The following GABRB1 variants were observed in gnomAD, a reference collection of about 807,000 sequenced individuals.
GABRB1 encodes the protein gamma-aminobutyric acid type A receptor subunit beta1.
Under a neutral mutation model 51.6 loss-of-function variants are expected in GABRB1, and 17 were observed. That is an observed-to-expected ratio of 0.33 (90% CI 0.23 to 0.49). The LOEUF (loss-of-function observed/expected upper bound fraction) is 0.49, where lower values mean the gene tolerates loss of function less well. Ranked by LOEUF, GABRB1 falls within the 20% of genes least tolerant of loss-of-function variation. The pLI is 0.99. For synonymous variants in GABRB1, 247 were observed against 218.9 expected (o/e 1.13, Z -1.14); for missense variants, 410 against 600.6 (o/e 0.68, Z 3.32).
At chr4:47,027,321 G>C (rs1725131054), upstream of GABRB1, among the ~76,000 whole-genome samples, 1 of 151,318 alleles carries the variant, frequency 6.6e-6, no homozygotes, top group Non-Finnish European at 1.5e-5. Flanking sequence ...AGAAAAAATT[G>C]CAATATGAAT....
intron 3 of GABRB1, among the ~76,000 whole-genome samples, chr4:47,123,310 TATA>T (rs1443140347): frequency 7.5e-6 from 1 of 133,720 alleles, no homozygotes; most frequent in Non-Finnish European, 1.6e-5. Context: ...ATATGTATTA[TATA>T]ATATTATATA....
chr4:47,385,222 CAAT>C (rs1024459660), intron 5 of GABRB1, among the ~76,000 whole-genome samples: 6 of 152,126 alleles, frequency 3.9e-5, no homozygotes, highest in East Asian at 1.9e-4. Context: ...TCCATGATAA[CAAT>C]AATAAGTCAA....
chr4:47,015,116 C>G (rs995522513), intron 1 of GABRB1, among the ~76,000 whole-genome samples: 1 of 152,150 alleles, frequency 6.6e-6, no homozygotes, highest in Non-Finnish European at 1.5e-5. Flanking sequence ...CCATGTTGGC[C>G]AGGCTGGTCT....
At chr4:47,381,864 C>A (rs2110030108) in intron 5 of GABRB1, among the ~76,000 whole-genome samples, 1 of 152,300 alleles carries the variant, frequency 6.6e-6, no homozygotes, top group African/African-American at 2.4e-5. Flanking sequence ...TTCTATCTTA[C>A]TTTCTCGCCA....
intron 4 of GABRB1, among the ~76,000 whole-genome samples, chr4:47,298,442 T>G (rs574957414): frequency 0.011 from 1,691 of 152,084 alleles, 34 homozygotes; most frequent in African/African-American, 0.039. Flanking sequence ...TATACACCAA[T>G]AACAGACAAA....
At chr4:47,060,114 C>T (rs960096835) in intron 3 of GABRB1, among the ~76,000 whole-genome samples, 7 of 152,136 alleles carry the variant, frequency 4.6e-5, no homozygotes, top group Non-Finnish European at 1.0e-4. Flanking sequence ...AAATGGATGA[C>T]AAAGTGTTCC....
In GABRB1 at chr4:47,003,011, G is replaced by A. The variant is rs143916495; in HGVS notation, c.-20+9085G>A. Among the ~76,000 whole-genome samples, 958 of 152,270 alleles carry A rather than the reference G, an allele frequency of 6.3e-3. 8 individuals are homozygous for A. Among genetic ancestry groups the A allele is most frequent in the Middle Eastern group, 0.014 (4 of 294 alleles). On this transcript the variant is annotated intron_variant, in intron 1 of 3. Coordinates refer to the GABRB1 transcript ENST00000513567. The stretch of plus-strand genomic sequence containing the variant: ...TTATTTATTGGAAACAGTTTAGAGT[G>A]AGCAAAAGTTGAATGTTTGATTTAT...
At chr4:47,182,482 CT>C (rs1718993288) in intron 4 of GABRB1, among the ~76,000 whole-genome samples, 1 of 151,920 alleles carries the variant, frequency 6.6e-6, no homozygotes, top group Non-Finnish European at 1.5e-5. Flanking sequence ...AGAGATTTTG[CT>C]TTTTATGTGC....
At chr4:47,132,408 TTTGG>T (rs1716460469) in intron 3 of GABRB1, among the ~76,000 whole-genome samples, 2 of 144,542 alleles carry the variant, frequency 1.4e-5, no homozygotes, top group South Asian at 2.1e-4. Context: ...TTTGGTTTGG[TTTGG>T]TTTGGTTTGG....
chr4:47,172,483 T>C (rs879435800), intron 4 of GABRB1, among the ~76,000 whole-genome samples: 14 of 152,094 alleles, frequency 9.2e-5, no homozygotes, highest in Non-Finnish European at 1.8e-4. Context: ...TTGTTTTCCT[T>C]ACCCCTGCTT....
chr4:47,346,284 G>T (rs1234888452), intron 5 of GABRB1, among the ~76,000 whole-genome samples: 1 of 152,068 alleles, frequency 6.6e-6, no homozygotes, highest in Non-Finnish European at 1.5e-5. Context: ...ATGAAAAATA[G>T]AAAACTCTAC....
chr4:47,366,751 A>G (rs1002409880), intron 5 of GABRB1, among the ~76,000 whole-genome samples: 1 of 152,108 alleles, frequency 6.6e-6, no homozygotes, highest in Non-Finnish European at 1.5e-5. Flanking sequence ...GACATTCGTA[A>G]TTTTCCTCCA....
chr4:47,370,290 C>T (rs977354280), intron 5 of GABRB1, among the ~76,000 whole-genome samples: 2 of 152,072 alleles, frequency 1.3e-5, no homozygotes, highest in African/African-American at 4.8e-5. Flanking sequence ...AGTTCGAGAC[C>T]AGCCTGGACA....
chr4:47,375,375 G>T (rs143492146), intron 5 of GABRB1, among the ~76,000 whole-genome samples: 58 of 152,318 alleles, frequency 3.8e-4, no homozygotes, highest in Middle Eastern at 3.4e-3. Flanking sequence ...AAGTAATAGA[G>T]ACAGAAAACA....
At chr4:47,011,368 C>G (rs1381744034) in intron 1 of GABRB1, among the ~76,000 whole-genome samples, 1 of 152,078 alleles carries the variant, frequency 6.6e-6, no homozygotes, top group Non-Finnish European at 1.5e-5. Flanking sequence ...TGGGCGGCAA[C>G]TACAGAGAAA....
At chr4:47,203,879 T>C (rs1720008234) in intron 4 of GABRB1, among the ~76,000 whole-genome samples, 1 of 152,106 alleles carries the variant, frequency 6.6e-6, no homozygotes, top group East Asian at 1.9e-4. Context: ...CTCTGAGCCT[T>C]TTCCATTTGC....
chr4:47,307,152 G>C lies in GABRB1; in HGVS notation c.462-12975G>C, dbSNP rs186157976. On this transcript the variant is annotated intron_variant, in intron 4 of 8. Transcript: ENST00000295454. Reference sequence around the variant, plus strand: ...GGCCAATCTCAGACAGCTAGAAAATGATCTCTTATTATATTAGTTTATAAT... The same window carrying C: ...GGCCAATCTCAGACAGCTAGAAAATCATCTCTTATTATATTAGTTTATAAT... Among the ~76,000 whole-genome samples, 265 of 152,170 alleles carry C rather than the reference G, an allele frequency of 1.7e-3. 1 individual carries two copies. Among genetic ancestry groups the C allele is most frequent in the African/African-American group, 5.9e-3 (245 of 41,542 alleles).
chr4:47,160,227 G>T (rs1170035495), intron 3 of GABRB1, among the ~76,000 whole-genome samples: 2 of 152,080 alleles, frequency 1.3e-5, no homozygotes, highest in Admixed American at 1.3e-4. Context: ...TTGCGAAGGT[G>T]AAGAAACAAA....
chr4:47,166,242 G>A (rs958051021), intron 4 of GABRB1, among the ~76,000 whole-genome samples: 9 of 151,956 alleles, frequency 5.9e-5, no homozygotes, highest in Non-Finnish European at 1.2e-4. Flanking sequence ...GATGAACTGC[G>A]TAAGTCCATT....
Sources: gnomAD v4.1 joint callset for allele counts (sites outside exome capture counted in the v4.1 genomes callset) on GRCh38, gnomAD v4.1.1 for gene constraint, MANE v1.5 for transcripts, NCBI Gene and HGNC (gene_info 2026-07-23, HGNC 2026-07-21) for gene names.